ADGRA2: variants seen among roughly 807,000 people sequenced by gnomAD.
ADGRA2 encodes the protein G-protein coupled receptor 124.
A neutral mutation model predicts 98.7 loss-of-function variants in ADGRA2; 61 were observed. The observed-to-expected ratio is 0.62, with a 90% confidence interval of 0.50 to 0.76. The LOEUF (loss-of-function observed/expected upper bound fraction) is 0.76, where lower values mean the gene tolerates loss of function less well. ADGRA2 is among the 30% of genes least tolerant of loss of function. The probability of loss-of-function intolerance (pLI) is 0.00; values close to 1 mark genes in which losing one functional copy is unlikely to be tolerated. For missense variants in ADGRA2, 1,712 were observed against 1,860.0 expected (o/e 0.92, Z 1.46); for synonymous variants, 858 against 831.5 (o/e 1.03, Z -0.55).
In ADGRA2 at chr8:37,797,527, G is replaced by A; in HGVS notation, c.259G>A (p.Val87Ile). The change falls in exon 1 of 19, where the codon GTT becomes ATT. Residue 87 changes from valine to isoleucine, a missense_variant. Val to Ile is a conservative substitution (Grantham distance 29). Coordinates refer to ENST00000412232, the MANE Select transcript of ADGRA2 (RefSeq NM_032777.10). The surrounding 1 kb of genome is among the most constrained non-coding windows in gnomAD (Gnocchi z 5.3). ...GCCCGGCCTTCTGCCTAACGGCACC[G>A]TTACCCTGTGAGTACCCTACCAGGC... is the stretch of plus-strand genomic sequence containing the variant. ...PEPGLLPNGT[V>I]TLLLSNNKIT... 1 of 1,396,276 alleles carries A rather than the reference G, an allele frequency of 7.2e-7. No homozygotes were observed. Among genetic ancestry groups the A allele is most frequent in the Non-Finnish European group, 9.3e-7 (1 of 1,071,532 alleles). 86.5% of individuals were successfully genotyped at this position (1,396,276 alleles called of 1,614,324 possible).
At chr8:37,827,467 G>A (rs754379182) in intron 2 of ADGRA2, among the ~76,000 whole-genome samples, 1 of 152,242 alleles carries the variant, frequency 6.6e-6, no homozygotes, top group Non-Finnish European at 1.5e-5. Context: ...GGTGAGGAAG[G>A]GGGCAGAGAG....
intron 2 of ADGRA2, among the ~76,000 whole-genome samples, chr8:37,819,061 G>A (rs530549585): frequency 5.3e-5 from 8 of 152,308 alleles, no homozygotes; most frequent in African/African-American, 1.2e-4. Flanking sequence ...ATGTGATGCC[G>A]GGGTGGCTAC....
At chr8:37,832,929 GC>G in intron 8 of ADGRA2, 80 bp from the exon 9 acceptor site, 1 of 1,104,776 alleles carries the variant, frequency 9.1e-7, no homozygotes. Flanking sequence ...AAGGAGTCCG[GC>G]CTCACCGTTC....
intron 13 of ADGRA2, 117 bp downstream of exon 13, chr8:37,835,887 G>A (rs780232092): frequency 2.1e-4 from 143 of 673,658 alleles, no homozygotes; most frequent in Non-Finnish European, 2.7e-4. Flanking sequence ...AACTGACACA[G>A]GATGTTGGGT....
chr8:37,808,579 T>TGA (rs1804742897), intron 1 of ADGRA2, among the ~76,000 whole-genome samples: 1 of 151,898 alleles, frequency 6.6e-6, no homozygotes, highest in Non-Finnish European at 1.5e-5. Flanking sequence ...TGTGTGTGTG[T>TGA]GTGTGTGTGC....
Position 37,834,154 on chromosome 8 carries a change from GC to G in ADGRA2, c.1608+29del. On this transcript the variant is annotated intron_variant, in intron 11 of 18. Transcript: ENST00000412232. This position sits in a 1 kb window ranked among gnomAD's most constrained non-coding sequence, Gnocchi z 4.2. ...GTAATGGGGGTCAGCAGAGGGGGTG[GC>G]CCTGGCATGCAGAGGAGGGAGGCGC... 4 of 1,588,760 alleles carry G rather than the reference GC, an allele frequency of 2.5e-6. No individual in the cohort carries two copies. Among genetic ancestry groups the G allele is most frequent in the Non-Finnish European group, 2.6e-6 (3 of 1,166,218 alleles).
Position 37,844,404 on chromosome 8 carries a change from G to T in ADGRA2, c.*2049G>T. The T allele has an allele frequency of 6.6e-7, 1 of 1,523,202 alleles. No homozygotes were observed. Among genetic ancestry groups the T allele is most frequent in the Admixed American group, 1.9e-5 (1 of 53,626 alleles). 94.4% of individuals were successfully genotyped at this position (1,523,202 alleles called of 1,614,324 possible). On this transcript the variant is annotated 3_prime_UTR_variant, in exon 19 of 19. Coordinates refer to ENST00000412232, the MANE Select transcript of ADGRA2 (RefSeq NM_032777.10). Reference sequence around the variant, plus strand: ...TTCAAACAAGAAAAGCAATACCTACGGACTGGTGTACACTTCCATCCTTGG... The same window carrying T: ...TTCAAACAAGAAAAGCAATACCTACTGACTGGTGTACACTTCCATCCTTGG...
intron 1 of ADGRA2, among the ~76,000 whole-genome samples, chr8:37,805,837 C>T (rs898859973): frequency 2.6e-5 from 4 of 152,120 alleles, no homozygotes; most frequent in Non-Finnish European, 5.9e-5. Context: ...CCACTGCACT[C>T]TAGCCTGGGC....
chr8:37,839,914 G>T (rs1305922448), intron 16 of ADGRA2, among the ~76,000 whole-genome samples: 1 of 152,184 alleles, frequency 6.6e-6, no homozygotes, highest in African/African-American at 2.4e-5. Flanking sequence ...GTCATGGGAA[G>T]CCCTGCAATG....
chr8:37,838,442 A>G (rs1487908015), intron 14 of ADGRA2, among the ~76,000 whole-genome samples: 2 of 151,950 alleles, frequency 1.3e-5, no homozygotes, highest in African/African-American at 4.8e-5. Flanking sequence ...TAGTAGAGAC[A>G]GGGTTTTGCC....
At chr8:37,811,780 T>C (rs1052503358) in intron 1 of ADGRA2, among the ~76,000 whole-genome samples, 1 of 150,712 alleles carries the variant, frequency 6.6e-6, no homozygotes, top group Non-Finnish European at 1.5e-5. Context: ...CTGGCCCAAC[T>C]TTTAAACTTT....
chr8:37,844,630 G>A lies in ADGRA2; in HGVS notation c.*2275G>A. 6.2e-7 allele frequency: 1 copy of A among 1,614,060 alleles called. No homozygotes were observed. On this transcript the variant is annotated 3_prime_UTR_variant, in exon 19 of 19. Transcript: ENST00000412232. ...TCATCTCCAGTGACAGTGGAGACAG[G>A]GGGTACAGGGCAGATCCGCTTCGGG...
chr8:37,837,331 C>T (rs74500067), intron 13 of ADGRA2, among the ~76,000 whole-genome samples: 151 of 152,176 alleles, frequency 9.9e-4, no homozygotes, highest in African/African-American at 3.5e-3. Flanking sequence ...CTGGGAACGC[C>T]TCCTCCTAGT....
rs201558463 is a variant in ADGRA2 at position 37,840,836 on chromosome 8, G to C, written c.2734G>C (p.Asp912His). 1.2e-6 allele frequency: 2 copies of C among 1,600,446 alleles called. No individual in the cohort carries two copies. Among genetic ancestry groups the C allele is most frequent in the African/African-American group, 1.3e-5 (1 of 74,664 alleles). Residue 912 changes from aspartate to histidine, a missense_variant, in exon 18 of 19, where the codon GAC becomes CAC. Transcript: ENST00000412232. Reference sequence around the variant, plus strand: ...TGCAGTCAACATCCACAACTACCGGGACCACAGCCCCTAGTGAGCACCCCT... The same window carrying C: ...TGCAGTCAACATCCACAACTACCGGCACCACAGCCCCTAGTGAGCACCCCT... ...TAAVNIHNYR[D>H]HSPYCWLVWR... is the part of the protein sequence containing the mutation.
rs1411186691 is a variant in ADGRA2 at position 37,796,981 on chromosome 8, C to A, written c.-288C>A. ...CAGCGAGCAGGCGACGCGGAGGGGC[C>A]GGGCCTCCAGTGTCCCGAGGGCCGG... On this transcript the variant is annotated 5_prime_UTR_variant, in exon 1 of 19. Coordinates refer to ENST00000412232, the MANE Select transcript of ADGRA2 (RefSeq NM_032777.10). The A allele has an allele frequency of 6.1e-6, 1 of 164,594 alleles. No homozygotes were observed. The highest frequency in any genetic ancestry group is 6.4e-5 in the Admixed American group (1 of 15,598). The allele number at this position is 164,594 out of a possible 1,614,324, so 10.2% of individuals were successfully genotyped here.
chr8:37,833,794 A>G lies in ADGRA2; in HGVS notation c.1403A>G (p.Gln468Arg). Residue 468 changes from glutamine to arginine, a missense_variant, in exon 10 of 19, where the codon CAG (glutamine) becomes CGG (arginine). Physicochemically the swap from Gln to Arg is conservative, Grantham distance 43. Transcript: ENST00000412232. ...ATGATGGATGTAGTCTATGTGGCTC[A>G]GATGATCCAGAAATTTTTGGGTTAT... ...SDMMDVVYVA[Q>R]MIQKFLGYVD... 1 of 1,614,214 alleles carries G rather than the reference A, an allele frequency of 6.2e-7. No homozygotes were observed. Among genetic ancestry groups the G allele is most frequent in the East Asian group, 2.2e-5 (1 of 44,892 alleles).
rs140998408 is a variant in ADGRA2 at position 37,814,580 on chromosome 8, C to G, written c.267-316C>G. Among the ~76,000 whole-genome samples, 5 of 152,324 alleles carry G rather than the reference C, an allele frequency of 3.3e-5. No individual in the cohort carries two copies. The highest frequency in any genetic ancestry group is 1.2e-4 in the African/African-American group (5 of 41,572). Reference sequence around the variant, plus strand: ...TCATGAGGGGGCACTGAGGGTCAGCCCTGTGGTTCCAGAGTGGAAACGGGG... The same window carrying G: ...TCATGAGGGGGCACTGAGGGTCAGCGCTGTGGTTCCAGAGTGGAAACGGGG... On this transcript the variant is annotated intron_variant, in intron 1 of 18. Transcript: ENST00000412232. The surrounding 1 kb of genome is among the most constrained non-coding windows in gnomAD (Gnocchi z 4.3).
At chr8:37,817,128 C>A (rs1240246036) in intron 2 of ADGRA2, among the ~76,000 whole-genome samples, 1 of 152,124 alleles carries the variant, frequency 6.6e-6, no homozygotes, top group East Asian at 1.9e-4. Flanking sequence ...ACACCCATTC[C>A]ACCGTGGAAG....
rs1164833079 is a variant in ADGRA2 at position 37,828,873 on chromosome 8, C to T, written c.339-15C>T. On this transcript the variant is annotated splice_polypyrimidine_tract_variant and intron_variant, in intron 2 of 18. Transcript: ENST00000412232. ...GCGGGGAGAGGTGTGAGGGCCTCTG[C>T]ACTTGCCTCTGCAGGGACCTGAGGA... 4 of 1,594,886 alleles carry T rather than the reference C, an allele frequency of 2.5e-6. No homozygotes were observed. Among genetic ancestry groups the T allele is most frequent in the South Asian group, 1.1e-5 (1 of 88,162 alleles).
Sources: allele counts gnomAD v4.1 joint callset (sites outside exome capture counted in the v4.1 genomes callset), GRCh38; gene constraint gnomAD v4.1.1; non-coding constraint Gnocchi (gnomAD v3.1); transcripts MANE v1.5; gene names NCBI Gene and HGNC (gene_info 2026-07-23, HGNC 2026-07-21).